PEX7: variants seen among roughly 807,000 people sequenced by gnomAD.
PEX7 encodes peroxisomal biogenesis factor 7.
A neutral mutation model predicts 47.5 loss-of-function variants in PEX7; 34 were observed. That is an observed-to-expected ratio of 0.72 (90% confidence interval 0.54 to 0.95). PEX7 has a LOEUF of 0.95. PEX7 is among the 40% of genes least tolerant of loss of function. The probability of loss-of-function intolerance (pLI) is 0.00; values close to 1 mark genes in which losing one functional copy is unlikely to be tolerated. For synonymous variants in PEX7, 141 were observed against 148.8 expected (o/e 0.95, Z 0.38); for missense variants, 394 against 400.3 (o/e 0.98, Z 0.13).
intron 8 of PEX7, among the ~76,000 whole-genome samples, chr6:136,880,462 G>C (rs1308995726): frequency 6.6e-6 from 1 of 152,106 alleles, no homozygotes; most frequent in African/African-American, 2.4e-5. Flanking sequence ...CCTAGCTCCT[G>C]CCCTCTCTGT....
intron 5 of PEX7, among the ~76,000 whole-genome samples, chr6:136,851,513 C>G (rs1465071501): frequency 4.7e-4 from 18 of 38,090 alleles, no homozygotes; most frequent in East Asian, 1.9e-3. Flanking sequence ...TGGGTATATA[C>G]CCAGTAATGG....
At chr6:136,845,430 G>A (rs1774577951) in intron 3 of PEX7, among the ~76,000 whole-genome samples, 185 bp from the exon 4 acceptor site, 1 of 152,206 alleles carries the variant, frequency 6.6e-6, no homozygotes, top group South Asian at 2.1e-4. Flanking sequence ...TAAGGAATAA[G>A]TCTGGAGGAA....
chr6:136,835,572 C>A (rs1473754785), intron 3 of PEX7, among the ~76,000 whole-genome samples: 7 of 152,182 alleles, frequency 4.6e-5, no homozygotes, highest in Admixed American at 1.3e-4. Flanking sequence ...CAGGCGTGAG[C>A]CACTGCATCC....
chr6:136,889,421 T>C (rs1412282234), intron 8 of PEX7, among the ~76,000 whole-genome samples: 1 of 152,234 alleles, frequency 6.6e-6, no homozygotes, highest in Non-Finnish European at 1.5e-5. Context: ...ACCAGATCCG[T>C]GTCTAATTCA....
Position 136,913,770 on chromosome 6 carries a change from A to G in PEX7, c.*244A>G, listed in dbSNP as rs1430314336. On this transcript the variant is annotated 3_prime_UTR_variant, in exon 10 of 10. Coordinates refer to ENST00000318471, the MANE Select transcript of PEX7 (RefSeq NM_000288.4). ...TTAATGTTATGATATATCTTGTAGT[A>G]TCTATTAAAATGTCTCTGGGTCATA... is the stretch of plus-strand genomic sequence containing the variant. 5 of 449,254 alleles carry G rather than the reference A, an allele frequency of 1.1e-5. No individual in the cohort carries two copies. The highest frequency in any genetic ancestry group is 1.9e-5 in the Non-Finnish European group (5 of 256,682). 27.8% of individuals were successfully genotyped at this position (449,254 alleles called of 1,614,324 possible). A position where few individuals can be genotyped will look rare whatever the true frequency, so the allele number is the denominator to read the frequency against.
chr6:136,849,108 A>G lies in PEX7; in HGVS notation c.526+2927A>G, dbSNP rs527749847. Among the ~76,000 whole-genome samples, 24 of 152,134 alleles carry G rather than the reference A, an allele frequency of 1.6e-4. No homozygotes were observed. The South Asian group carries it at 5.0e-3, about 32-fold the overall frequency. On this transcript the variant is annotated intron_variant, in intron 5 of 9. Transcript: ENST00000318471. Reference sequence around the variant, plus strand: ...GGTGTATGTGTCAAGGAATTTATCCATTTCTTCTAGATTTTCTAGTTTATT... The same window carrying G: ...GGTGTATGTGTCAAGGAATTTATCCGTTTCTTCTAGATTTTCTAGTTTATT...
At chr6:136,842,603 C>T (rs1418301045) in intron 3 of PEX7, among the ~76,000 whole-genome samples, 3 of 152,174 alleles carry the variant, frequency 2.0e-5, no homozygotes, top group Non-Finnish European at 4.4e-5. Context: ...TAGTAGTTCT[C>T]TGTACCTACC....
chr6:136,866,653 G>A lies in PEX7; in HGVS notation c.553G>A (p.Val185Met), dbSNP rs1418900027. ...SGDQTLRIWD[V>M]KAAGVRIVIP... is the part of the protein sequence containing the mutation. ...TGATCAGACTCTGAGAATATGGGAT[G>A]TGAAGGCAGCAGGAGTAAGAATCGT... The change falls in exon 6 of 10, where the codon GTG becomes ATG. Residue 185 changes from valine (V) to methionine (M), a missense_variant. Physicochemically the swap from Val to Met is conservative, Grantham distance 21 (BLOSUM62 1). Transcript: ENST00000318471. 2 of 1,614,042 alleles carry A rather than the reference G, an allele frequency of 1.2e-6. No homozygotes were observed. Among genetic ancestry groups the A allele is most frequent in the Non-Finnish European group, 8.5e-7 (1 of 1,179,952 alleles).
Position 136,852,945 on chromosome 6 carries a change from A to G in PEX7, c.526+6764A>G, listed in dbSNP as rs560835979. On this transcript the variant is annotated intron_variant, in intron 5 of 9. Transcript: ENST00000318471. ...GCTACAGTAACCAAAACAGCATGGT[A>G]CTGGTACCAAAACAGAGATATAGAT... is the stretch of plus-strand genomic sequence containing the variant. 4.0e-5 allele frequency among the ~76,000 whole-genome samples: 5 copies of G among 125,642 alleles called. No homozygotes were observed. The East Asian group carries it at 1.1e-3, about 29-fold the overall frequency. 82.4% of individuals were successfully genotyped at this position (125,642 alleles called of 152,430 possible).
chr6:136,832,142 T>C lies in PEX7; in HGVS notation c.339+5673T>C, dbSNP rs540196886. On this transcript the variant is annotated intron_variant, in intron 3 of 9. Coordinates refer to ENST00000318471, the MANE Select transcript of PEX7 (RefSeq NM_000288.4). ...AGGTGTTTCCATACATCCTCTGAAATTTAGGTGGAGGTTAAACTCTTGTCT... is the reference window on the plus strand; with the variant it reads ...AGGTGTTTCCATACATCCTCTGAAACTTAGGTGGAGGTTAAACTCTTGTCT... Among the ~76,000 whole-genome samples, 4 of 152,262 alleles carry C rather than the reference T, an allele frequency of 2.6e-5. No homozygotes were observed. In the South Asian group the frequency reaches 8.3e-4, roughly 31 times the overall value.
At chr6:136,858,911 C>T (rs1774909616) in intron 5 of PEX7, among the ~76,000 whole-genome samples, 1 of 152,096 alleles carries the variant, frequency 6.6e-6, no homozygotes, top group Non-Finnish European at 1.5e-5. Flanking sequence ...ATAACATAAT[C>T]TTTGCATAAA....
chr6:136,844,805 G>A (rs1774565574), intron 3 of PEX7, among the ~76,000 whole-genome samples: 1 of 152,128 alleles, frequency 6.6e-6, no homozygotes, highest in Non-Finnish European at 1.5e-5. Context: ...CTGGGCAGCA[G>A]AGAGAAAGTA....
At position 136,853,408 on chromosome 6, in the gene PEX7, T is replaced by C. The variant is rs1320928131; in HGVS notation, c.526+7227T>C. Among the ~76,000 whole-genome samples the C allele has an allele frequency of 3.9e-5, 6 of 152,326 alleles. No individual in the cohort carries two copies. In the South Asian group the frequency reaches 1.0e-3, roughly 26 times the overall value. Reference sequence around the variant, plus strand: ...GAGGAGGAGGTGGTGCTCCTAATAGTGTCTCCTCTTTCAGTTATGCAGCAT... The same window carrying C: ...GAGGAGGAGGTGGTGCTCCTAATAGCGTCTCCTCTTTCAGTTATGCAGCAT... On this transcript the variant is annotated intron_variant, in intron 5 of 9. Coordinates refer to ENST00000318471, the MANE Select transcript of PEX7 (RefSeq NM_000288.4).
chr6:136,849,193 T>C (rs569994210), intron 5 of PEX7, among the ~76,000 whole-genome samples: 2 of 152,330 alleles, frequency 1.3e-5, no homozygotes, highest in South Asian at 2.1e-4. Context: ...GGATTGGTGG[T>C]GATATCCCCT....
intron 1 of PEX7, 112 bp from the exon 2 acceptor site, chr6:136,825,102 T>A: frequency 1.1e-6 from 1 of 882,454 alleles, no homozygotes; most frequent in Non-Finnish European, 1.9e-6. Context: ...CCAAATACTT[T>A]GGGGAAAAAT....
intron 5 of PEX7, among the ~76,000 whole-genome samples, chr6:136,847,542 C>G (rs1450974183): frequency 6.6e-6 from 1 of 151,346 alleles, no homozygotes; most frequent in African/African-American, 2.4e-5. Flanking sequence ...GGAAGGGATC[C>G]AGTTTCAGCT....
At chr6:136,889,374 G>C (rs1775518767) in intron 8 of PEX7, among the ~76,000 whole-genome samples, 1 of 152,124 alleles carries the variant, frequency 6.6e-6, no homozygotes, top group Non-Finnish European at 1.5e-5. Context: ...AGCTTTTTCA[G>C]AATTATTTGT....
intron 8 of PEX7, among the ~76,000 whole-genome samples, chr6:136,873,527 T>TCATTGATTCATTAAGGTTTTC: frequency 6.6e-6 from 1 of 152,174 alleles, no homozygotes; most frequent in Non-Finnish European, 1.5e-5. Flanking sequence ...CTTCTAAAGA[T>TCATTGATTCATTAAGGTTTTC]CATTGATTCA....
At chr6:136,853,866 A>G (rs1313883618) in intron 5 of PEX7, among the ~76,000 whole-genome samples, 1 of 152,180 alleles carries the variant, frequency 6.6e-6, no homozygotes, top group Non-Finnish European at 1.5e-5. Flanking sequence ...TAGAATGTTG[A>G]GCAGTACACA....
Sources: gnomAD v4.1 joint callset for allele counts (sites outside exome capture counted in the v4.1 genomes callset) on GRCh38, gnomAD v4.1.1 for gene constraint, MANE v1.5 for transcripts, NCBI Gene and HGNC (gene_info 2026-07-23, HGNC 2026-07-21) for gene names.